Variants in CSMD3 observed in about 807,000 individuals in gnomAD.
CSMD3 encodes CUB and sushi domain-containing protein 3.
In CSMD3, 177 loss-of-function variants were observed where a neutral mutation model predicts 435.2. The ratio of observed to expected loss-of-function variants is 0.41; its 90% CI spans 0.36 to 0.46. CSMD3 has a LOEUF of 0.46. CSMD3 is among the 20% of genes least tolerant of loss of function. The pLI is 0.34. For synonymous variants in CSMD3, 1,656 were observed against 1,520.5 expected, an observed-to-expected ratio of 1.09 and a Z score of -2.07; for missense variants, 4,265 against 4,504.6, an observed-to-expected ratio of 0.95 and a Z score of 1.52.
At chr8:113,337,933 T>A (rs561724154) in intron 1 of CSMD3, among the ~76,000 whole-genome samples, 1 of 152,094 alleles carries the variant, frequency 6.6e-6, no homozygotes, top group South Asian at 2.1e-4. Context: ...TTTGAAAACA[T>A]GTTGTAGGCA....
chr8:113,377,157 C>A, intron 1 of CSMD3: 1 of 1,247,228 alleles, frequency 8.0e-7, no homozygotes, highest in Non-Finnish European at 1.0e-6. Context: ...GGGTGTACGC[C>A]CCGGAAACCC....
chr8:113,042,012 G>C (rs2131291278), intron 5 of CSMD3, among the ~76,000 whole-genome samples: 1 of 152,198 alleles, frequency 6.6e-6, no homozygotes, highest in African/African-American at 2.4e-5. Flanking sequence ...AAACATACTA[G>C]AATTAATGCT....
At chr8:112,396,062 T>C (rs1171578233) in intron 35 of CSMD3, among the ~76,000 whole-genome samples, 1 of 152,140 alleles carries the variant, frequency 6.6e-6, no homozygotes, top group African/African-American at 2.4e-5. Context: ...TCATGTCTTA[T>C]GGGGCTGCTT....
chr8:113,277,866 T>C (rs2093583483), intron 3 of CSMD3, among the ~76,000 whole-genome samples: 1 of 152,056 alleles, frequency 6.6e-6, no homozygotes, highest in African/African-American at 2.4e-5. Context: ...AGAATTATTT[T>C]TGCTAGCACA....
intron 17 of CSMD3, among the ~76,000 whole-genome samples, chr8:112,665,752 C>A (rs1380336692): frequency 1.3e-5 from 2 of 151,998 alleles, no homozygotes; most frequent in Non-Finnish European, 2.9e-5. Context: ...TAGCCTTTTA[C>A]AATATAGTTT....
Position 112,682,544 on chromosome 8 carries a change from T to A in CSMD3, c.2575A>T (p.Ile859Phe). The A allele has an allele frequency of 6.2e-7, 1 of 1,613,548 alleles. No individual in the cohort carries two copies. The part of the protein sequence containing the change: ...NFQLGSSISV[I>F]CEEGFIKTQG... ...GTTTTAATAAATCCTTCTTCACAAA[T>A]AACTGAAATTGAACTTCCTAATTGA... Residue 859 changes from isoleucine (I) to phenylalanine (F), a missense_variant, in exon 16 of 71, where the codon ATT becomes TTT. Ile to Phe is a conservative substitution (Grantham distance 21). This residue lies in a region of CSMD3 where 279 missense variants were observed against 369.0 expected (regional missense o/e 0.76). Transcript: ENST00000297405.
intron 5 of CSMD3, among the ~76,000 whole-genome samples, chr8:113,021,716 G>A (rs1474364722): frequency 1.3e-5 from 2 of 152,208 alleles, no homozygotes; most frequent in African/African-American, 2.4e-5. Context: ...GTAAAGGCAA[G>A]TAATAGCTAC....
intron 32 of CSMD3, among the ~76,000 whole-genome samples, chr8:112,460,740 T>C (rs1452043640): frequency 2.6e-5 from 4 of 152,228 alleles, no homozygotes; most frequent in East Asian, 3.9e-4. Context: ...GAAACTTTGA[T>C]AGTTAGTCTG....
chr8:113,206,717 G>C (rs562114300), intron 3 of CSMD3, among the ~76,000 whole-genome samples: 1 of 152,140 alleles, frequency 6.6e-6, no homozygotes, highest in East Asian at 1.9e-4. Context: ...AGTCTAACTA[G>C]ATTAGTTTAT....
chr8:112,661,275 T>C (rs1242499763), intron 17 of CSMD3, among the ~76,000 whole-genome samples: 2 of 152,172 alleles, frequency 1.3e-5, no homozygotes, highest in Admixed American at 6.6e-5. Context: ...AAAGTCAGGT[T>C]TGAAACAGTC....
At chr8:112,497,856 T>C (rs1821524257) in intron 30 of CSMD3, among the ~76,000 whole-genome samples, 3 of 152,106 alleles carry the variant, frequency 2.0e-5, no homozygotes, top group South Asian at 4.1e-4. Flanking sequence ...GACCCTGAAG[T>C]GGGCAATGAA....
At chr8:113,193,913 G>A (rs2092619278) in intron 3 of CSMD3, among the ~76,000 whole-genome samples, 2 of 151,362 alleles carry the variant, frequency 1.3e-5, no homozygotes, top group African/African-American at 4.8e-5. Context: ...TTTAGCAAAT[G>A]TATTGAATAT....
chr8:113,093,470 C>T (rs1037015511), intron 5 of CSMD3, among the ~76,000 whole-genome samples: 17 of 152,096 alleles, frequency 1.1e-4, no homozygotes, highest in African/African-American at 2.9e-4. Flanking sequence ...TCAAATGTTG[C>T]AGATAAATCA....
intron 10 of CSMD3, among the ~76,000 whole-genome samples, chr8:112,873,876 T>A (rs930010933): frequency 6.6e-6 from 1 of 151,830 alleles, no homozygotes; most frequent in African/African-American, 2.4e-5. Flanking sequence ...GATTCACTGA[T>A]TTTTTTTGAA....
chr8:112,237,146 T>G (rs367655008), intron 67 of CSMD3, 44 bp downstream of exon 67: 3 of 1,586,006 alleles, frequency 1.9e-6, no homozygotes, highest in African/African-American at 2.7e-5. Flanking sequence ...ATAATAGAAA[T>G]AAAGTCATGA....
At chr8:112,752,900 C>CGT (rs10617885) in intron 13 of CSMD3, among the ~76,000 whole-genome samples, 3,333 of 146,524 alleles carry the variant, frequency 0.023, 54 homozygotes, top group East Asian at 0.042. Context: ...TTTGTTACCG[C>CGT]GTGTGTGTGT....
At chr8:112,376,192 AC>A (rs1290805032) in intron 38 of CSMD3, among the ~76,000 whole-genome samples, 2 of 152,164 alleles carry the variant, frequency 1.3e-5, no homozygotes, top group African/African-American at 2.4e-5. Flanking sequence ...TATTCAAAGC[AC>A]TGTAATATTG....
intron 1 of CSMD3, among the ~76,000 whole-genome samples, chr8:113,413,123 A>G (rs1388655478): frequency 6.6e-6 from 1 of 152,182 alleles, no homozygotes; most frequent in African/African-American, 2.4e-5. Context: ...TTTAGAAATT[A>G]AGTTTTAATG....
intron 16 of CSMD3, among the ~76,000 whole-genome samples, chr8:112,681,204 T>C (rs912652168): frequency 6.6e-6 from 1 of 151,528 alleles, no homozygotes; most frequent in African/African-American, 2.4e-5. Context: ...CCGGCTAGTT[T>C]TTTTTCTTAT....
Sources: allele counts gnomAD v4.1 joint callset (sites outside exome capture counted in the v4.1 genomes callset), GRCh38; gene constraint gnomAD v4.1.1; regional missense constraint gnomAD v4.1.1; transcripts MANE v1.5; gene names NCBI Gene and HGNC (gene_info 2026-07-23, HGNC 2026-07-21).